The following PODN variants were observed in gnomAD, a reference collection of about 807,000 sequenced individuals.
The protein encoded by PODN is podocan proteoglycan.
Under a neutral mutation model 52.7 loss-of-function variants are expected in PODN, and 40 were observed. That is an observed-to-expected ratio of 0.76 (90% CI 0.59 to 0.99). The LOEUF is 0.99. PODN is among the 50% of genes least tolerant of loss of function. The pLI, the probability that PODN is intolerant of heterozygous loss-of-function variation, is 0.00. For missense variants in PODN, 720 were observed against 815.1 expected, an observed-to-expected ratio of 0.88 and a Z score of 1.42; for synonymous variants, 396 against 377.9, an observed-to-expected ratio of 1.05 and a Z score of -0.56.
At chr1:53,080,661 G>C in intron 8 of PODN, 67 bp from the exon 9 acceptor site, 2 of 1,532,024 alleles carry the variant, frequency 1.3e-6, no homozygotes, top group South Asian at 2.5e-5. Context: ...GGCTTGGTGG[G>C]AGTTTTGTAA....
chr1:53,076,035 C>A, intron 5 of PODN, 64 bp downstream of exon 5: 1 of 1,350,266 alleles, frequency 7.4e-7, no homozygotes, highest in Non-Finnish European at 1.0e-6. Context: ...GTGGAGGCTG[C>A]CATCCTGTGT....
At chr1:53,080,054 G>T (rs1254926675) in intron 8 of PODN, among the ~76,000 whole-genome samples, 1 of 150,498 alleles carries the variant, frequency 6.6e-6, no homozygotes, top group Non-Finnish European at 1.5e-5. Flanking sequence ...GGGAGGGTGG[G>T]GTGCTGCCAG....
Position 53,062,287 on chromosome 1 carries a change from G to C in PODN, c.-77G>C. The C allele has an allele frequency of 7.9e-7, 1 of 1,261,014 alleles. No homozygotes were observed. The highest frequency in any genetic ancestry group is 1.0e-6 in the Non-Finnish European group (1 of 996,080). 78.1% of individuals were successfully genotyped at this position (1,261,014 alleles called of 1,614,324 possible). On this transcript the variant is annotated 5_prime_UTR_variant, in exon 1 of 11. Transcript: ENST00000312553. ...GAGCGCGTTCGGCCTGTGGGGCGCC[G>C]CTCGGCGCCGGGGCGCAGCAGGTAC...
In PODN at chr1:53,077,331, C is replaced by T; in HGVS notation, c.723C>T (p.Tyr241=). ...CCAAGCACCTGCCGCCTGCCCTGTA[C>T]AAGCTGCACCTCAAGGTGGGCAGGG... ...HVPKHLPPAL[Y]KLHLKNNKLE... The change falls in exon 6 of 11, where the codon TAC becomes TAT. Residue 241 remains tyrosine (Y), a synonymous_variant. Transcript: ENST00000312553. 1 of 1,613,158 alleles carries T rather than the reference C, an allele frequency of 6.2e-7. No homozygotes were observed. Among genetic ancestry groups the T allele is most frequent in the South Asian group, 1.1e-5 (1 of 91,078 alleles).
In PODN at chr1:53,075,292, C is replaced by G. The variant is rs371152168; in HGVS notation, c.472-570C>G. ...TCCAGTGGAAGGAAGCTACAGCTTC[C>G]CGCCCACAGCACCCAGACCCAGTCC... On this transcript the variant is annotated intron_variant, in intron 4 of 10. Coordinates refer to ENST00000312553, the MANE Select transcript of PODN (RefSeq NM_153703.5). Among the ~76,000 whole-genome samples, 5 of 152,294 alleles carry G rather than the reference C, an allele frequency of 3.3e-5. No individual in the cohort carries two copies. The East Asian group carries it at 7.7e-4, about 23-fold the overall frequency.
intron 8 of PODN, 118 bp downstream of exon 8, chr1:53,079,140 G>A (rs535995641): frequency 7.8e-7 from 1 of 1,289,638 alleles, no homozygotes; most frequent in East Asian, 2.5e-5. Flanking sequence ...AGGTTCCTCT[G>A]GTATGGCCAG....
chr1:53,066,836 A>G (rs116173933), intron 1 of PODN: 2 of 1,549,614 alleles, frequency 1.3e-6, no homozygotes, highest in African/African-American at 1.4e-5. Context: ...CAGATACCAA[A>G]TGGAAGGCGA....
chr1:53,077,249 A>G lies in PODN; in HGVS notation c.641A>G (p.Asn214Ser). 6.2e-7 allele frequency: 1 copy of G among 1,613,484 alleles called. No homozygotes were observed. Among genetic ancestry groups the G allele is most frequent in the Non-Finnish European group, 8.5e-7 (1 of 1,180,014 alleles). ...GCCGGGCTGCCGGACAACATGTTCA[A>G]CGGCTCCAGCAACGTCGAGGTCCTC... ...ADAGLPDNMF[N>S]GSSNVEVLIL... The change falls in exon 6 of 11, where the codon AAC becomes AGC. Residue 214 changes from asparagine to serine, a missense_variant. Transcript: ENST00000312553.
chr1:53,073,070 A>G, intron 3 of PODN: 1 of 224,544 alleles, frequency 4.5e-6, no homozygotes, highest in Non-Finnish European at 9.5e-6. Context: ...GTCTAACTAA[A>G]GCAAGCTCCT....
At chr1:53,084,092 T>C (rs1644330171) in intron 10 of PODN, among the ~76,000 whole-genome samples, 1 of 151,996 alleles carries the variant, frequency 6.6e-6, no homozygotes, top group South Asian at 2.1e-4. Context: ...GGCAAGAGGC[T>C]GAGCTTGGGG....
chr1:53,082,343 C>T (rs1309974194), intron 10 of PODN, among the ~76,000 whole-genome samples, 155 bp downstream of exon 10: 2 of 152,146 alleles, frequency 1.3e-5, no homozygotes, highest in Non-Finnish European at 2.9e-5. Flanking sequence ...ATGTACCAGG[C>T]CGTGGGTGAA....
chr1:53,062,414 G>T, intron 1 of PODN, 106 bp downstream of exon 1: 1 of 882,160 alleles, frequency 1.1e-6, no homozygotes, highest in Non-Finnish European at 1.5e-6. Flanking sequence ...GCTGCCTGGG[G>T]CGGGCCCGCC....
chr1:53,064,282 G>A (rs765226573), intron 1 of PODN, among the ~76,000 whole-genome samples: 9 of 152,226 alleles, frequency 5.9e-5, no homozygotes, highest in Non-Finnish European at 8.8e-5. Context: ...GCCAGCCAAG[G>A]TTGCTGTGGA....
At position 53,070,134 on chromosome 1, in the gene PODN, C is replaced by T; in HGVS notation, c.279C>T (p.Asp93=). Reference sequence around the variant, plus strand: ...TTGACCTGCGTGAGTTCCCGGGGGACCTGCCTGAGCACACCAACCACCTAT... The same window carrying T: ...TTGACCTGCGTGAGTTCCCGGGGGATCTGCCTGAGCACACCAACCACCTAT... ...GGIDLREFPG[D]LPEHTNHLSL... The change falls in exon 2 of 11, where the codon GAC becomes GAT. Residue 93 remains aspartate (D), a synonymous_variant. Coordinates refer to ENST00000312553, the MANE Select transcript of PODN (RefSeq NM_153703.5). 6.2e-7 allele frequency: 1 copy of T among 1,610,886 alleles called. No homozygotes were observed. Among genetic ancestry groups the T allele is most frequent in the Non-Finnish European group, 8.5e-7 (1 of 1,179,968 alleles).
chr1:53,067,574 T>C, intron 1 of PODN, among the ~76,000 whole-genome samples: 1 of 152,124 alleles, frequency 6.6e-6, no homozygotes, highest in East Asian at 1.9e-4. Context: ...GCGGCTACGA[T>C]GTCTGCAACA....
chr1:53,070,046 C>T lies in PODN; in HGVS notation c.191C>T (p.Ala64Val), dbSNP rs562323619. The change falls in exon 2 of 11, where the codon GCC (alanine) becomes GTC (valine). Residue 64 changes from alanine to valine, a missense_variant. Coordinates refer to ENST00000312553, the MANE Select transcript of PODN (RefSeq NM_153703.5). ...LSPEEPGPGP[A>V]AVSCPRDCAC... Reference sequence around the variant, plus strand: ...CCTGAGGAGCCCGGGCCTGGCCCAGCCGCGGTCAGCTGCCCCCGAGACTGT... The same window carrying T: ...CCTGAGGAGCCCGGGCCTGGCCCAGTCGCGGTCAGCTGCCCCCGAGACTGT... 2 of 1,612,952 alleles carry T rather than the reference C, an allele frequency of 1.2e-6. No individual in the cohort carries two copies. The highest frequency in any genetic ancestry group is 2.2e-5 in the East Asian group (1 of 44,880).
At chr1:53,074,813 G>A in intron 4 of PODN, 143 bp downstream of exon 4, 1 of 443,648 alleles carries the variant, frequency 2.3e-6, no homozygotes, top group Admixed American at 2.5e-5. Flanking sequence ...TGGGTCGGGG[G>A]TGGGGGAGAC....
intron 1 of PODN, among the ~76,000 whole-genome samples, 195 bp downstream of exon 1, chr1:53,062,503 G>A (rs1334846439): frequency 6.6e-6 from 1 of 152,242 alleles, no homozygotes; most frequent in Admixed American, 6.5e-5. Flanking sequence ...CCCCTGCGCA[G>A]TCAGGACCCA....
chr1:53,078,636 A>G lies in PODN; in HGVS notation c.1126A>G (p.Ser376Gly). ...CAACAACGCGCTGGAGCGCGTGCCCAGTGGCCTGCCTCGCCGCGTGCGCAC... is the reference window on the plus strand; with the variant it reads ...CAACAACGCGCTGGAGCGCGTGCCCGGTGGCCTGCCTCGCCGCGTGCGCAC... ...LYNNALERVP[S>G]GLPRRVRTLM... Residue 376 changes from serine (S) to glycine (G), a missense_variant, in exon 8 of 11, where the codon AGT becomes GGT. Ser to Gly is a moderately conservative substitution (Grantham distance 56, BLOSUM62 0). Transcript: ENST00000312553. The G allele has an allele frequency of 1.2e-6, 2 of 1,613,068 alleles. No individual in the cohort carries two copies. The highest frequency in any genetic ancestry group is 1.7e-6 in the Non-Finnish European group (2 of 1,179,966).
Sources: allele counts gnomAD v4.1 joint callset (sites outside exome capture counted in the v4.1 genomes callset), GRCh38; gene constraint gnomAD v4.1.1; transcripts MANE v1.5; gene names NCBI Gene and HGNC (gene_info 2026-07-23, HGNC 2026-07-21).